SLC39A11: variants seen among roughly 807,000 people sequenced by gnomAD.
SLC39A11 encodes solute carrier family 39 member 11.
Under a neutral mutation model 36.1 loss-of-function variants are expected in SLC39A11, and 33 were observed. The ratio of observed to expected loss-of-function variants is 0.91; its 90% confidence interval spans 0.69 to 1.22. The LOEUF (loss-of-function observed/expected upper bound fraction) is 1.22, where lower values mean the gene tolerates loss of function less well. SLC39A11 is among the 50% of genes most tolerant of loss of function. The pLI, the probability that SLC39A11 is intolerant of heterozygous loss-of-function variation, is 0.00. For synonymous variants in SLC39A11, 166 were observed against 170.3 expected (o/e 0.97, Z 0.20); for missense variants, 432 against 430.3 (o/e 1.00, Z -0.03).
chr17:72,894,605 G>A (rs1174833809), intron 5 of SLC39A11, among the ~76,000 whole-genome samples: 1 of 149,466 alleles, frequency 6.7e-6, no homozygotes, highest in Non-Finnish European at 1.5e-5. Context: ...AAGAGGTAGA[G>A]GTTGCAGTGA....
At chr17:72,972,920 C>T (rs2087561929) in intron 4 of SLC39A11, among the ~76,000 whole-genome samples, 1 of 151,994 alleles carries the variant, frequency 6.6e-6, no homozygotes, top group Non-Finnish European at 1.5e-5. Flanking sequence ...AAATAAACAC[C>T]AACCTCTGTG....
intron 6 of SLC39A11, among the ~76,000 whole-genome samples, chr17:72,845,941 T>C (rs2079026101): frequency 6.6e-6 from 1 of 151,630 alleles, no homozygotes; most frequent in Non-Finnish European, 1.5e-5. Context: ...AGACGGAGTC[T>C]CGCTGTGTCA....
At chr17:72,946,288 A>G (rs2085425690) in intron 5 of SLC39A11, among the ~76,000 whole-genome samples, 1 of 152,238 alleles carries the variant, frequency 6.6e-6, no homozygotes. Context: ...ACATTGGATG[A>G]AATTTTTATT....
chr17:72,940,271 A>G (rs1436973803), intron 5 of SLC39A11, among the ~76,000 whole-genome samples: 1 of 126,502 alleles, frequency 7.9e-6, no homozygotes, highest in Non-Finnish European at 1.6e-5. Flanking sequence ...ACTTAGAGCC[A>G]TCTGACTTTT....
At chr17:72,839,466 G>T (rs2145839008) in intron 6 of SLC39A11, 1 of 152,432 alleles carries the variant, frequency 6.6e-6, no homozygotes, top group East Asian at 1.9e-4. Context: ...TGGAGGTACT[G>T]ATTGGAGTGA....
chr17:72,895,899 T>C (rs1211266620), intron 5 of SLC39A11, among the ~76,000 whole-genome samples: 1 of 152,194 alleles, frequency 6.6e-6, no homozygotes, highest in South Asian at 2.1e-4. Flanking sequence ...ATTGCTAATA[T>C]AGATCATACA....
intron 4 of SLC39A11, among the ~76,000 whole-genome samples, chr17:73,025,753 T>C (rs1598905657): frequency 6.6e-6 from 1 of 151,956 alleles, no homozygotes; most frequent in Admixed American, 6.6e-5. Context: ...ACTCAAACAA[T>C]ACAAGCAAAT....
At chr17:73,042,170 A>G (rs772464987) in intron 3 of SLC39A11, among the ~76,000 whole-genome samples, 3 of 152,236 alleles carry the variant, frequency 2.0e-5, no homozygotes, top group Non-Finnish European at 4.4e-5. Flanking sequence ...GGTACAGTTG[A>G]GCATTTCCTT....
chr17:73,069,908 CA>C (rs1030445523), intron 3 of SLC39A11, among the ~76,000 whole-genome samples: 3 of 150,944 alleles, frequency 2.0e-5, no homozygotes, highest in African/African-American at 4.9e-5. Context: ...AATTAGGTTA[CA>C]AAAAAAAAGT....
At chr17:72,728,620 G>A (rs2074031191) in intron 7 of SLC39A11, among the ~76,000 whole-genome samples, 1 of 152,178 alleles carries the variant, frequency 6.6e-6, no homozygotes, top group Non-Finnish European at 1.5e-5. Context: ...ACAAATGGGT[G>A]CGCGTATGCT....
intron 3 of SLC39A11, among the ~76,000 whole-genome samples, chr17:73,041,188 A>G (rs1182791838): frequency 2.0e-5 from 3 of 152,172 alleles, no homozygotes; most frequent in African/African-American, 7.2e-5. Context: ...ATGGAACACA[A>G]GCTTCCAAAT....
intron 4 of SLC39A11, among the ~76,000 whole-genome samples, chr17:73,014,701 G>C (rs541941277): frequency 3.9e-5 from 6 of 152,290 alleles, no homozygotes; most frequent in African/African-American, 1.4e-4. Context: ...TGGGGCCCAC[G>C]TTGCTTCACC....
chr17:72,868,396 A>G (rs1386891413), intron 5 of SLC39A11, among the ~76,000 whole-genome samples: 2 of 152,198 alleles, frequency 1.3e-5, no homozygotes, highest in African/African-American at 4.8e-5. Context: ...AACATAAGAA[A>G]TAAGTTTTAG....
chr17:72,980,448 C>G (rs192888974), intron 4 of SLC39A11, among the ~76,000 whole-genome samples: 104 of 152,224 alleles, frequency 6.8e-4, no homozygotes, highest in African/African-American at 2.5e-3. Flanking sequence ...GGCAGAAACG[C>G]TCATCGTCAT....
chr17:72,786,115 T>C (rs766658463), intron 6 of SLC39A11, among the ~76,000 whole-genome samples: 7 of 152,180 alleles, frequency 4.6e-5, no homozygotes, highest in Non-Finnish European at 1.0e-4. Flanking sequence ...GCTAAGGCCT[T>C]ATGGCATAAC....
intron 1 of SLC39A11, among the ~76,000 whole-genome samples, chr17:73,091,176 C>T (rs535358168): frequency 2.8e-4 from 43 of 152,264 alleles, no homozygotes; most frequent in African/African-American, 9.6e-4. Context: ...GCCTGTAATC[C>T]CAGCACCTTG....
intron 6 of SLC39A11, among the ~76,000 whole-genome samples, chr17:72,832,207 A>T (rs2078314322): frequency 6.6e-6 from 1 of 152,218 alleles, no homozygotes; most frequent in Non-Finnish European, 1.5e-5. Flanking sequence ...TACCCAAAAC[A>T]TGCAGCCATA....
At chr17:72,837,248 C>T (rs2078594056) in intron 6 of SLC39A11, among the ~76,000 whole-genome samples, 1 of 151,766 alleles carries the variant, frequency 6.6e-6, no homozygotes, top group Non-Finnish European at 1.5e-5. Context: ...CAGCAACTGC[C>T]ACCTCGTTGG....
chr17:72,789,827 C>A (rs1022000099), intron 6 of SLC39A11, among the ~76,000 whole-genome samples: 1 of 152,188 alleles, frequency 6.6e-6, no homozygotes, highest in African/African-American at 2.4e-5. Context: ...TCTGTGGGTA[C>A]GTATGGGTGT....
Sources: gnomAD v4.1 joint callset for allele counts (sites outside exome capture counted in the v4.1 genomes callset) on GRCh38, gnomAD v4.1.1 for gene constraint, MANE v1.5 for transcripts, NCBI Gene and HGNC (gene_info 2026-07-23, HGNC 2026-07-21) for gene names.